C8orf34: variants seen among roughly 807,000 people sequenced by gnomAD.
C8orf34 encodes chromosome 8 open reading frame 34, also known as uncharacterized protein C8orf34.
C8orf34 carries 65 observed loss-of-function variants against 68.3 expected under a neutral mutation model. The observed-to-expected ratio is 0.95, with a 90% confidence interval of 0.78 to 1.17. C8orf34 has a LOEUF of 1.17. Ranked by LOEUF, C8orf34 falls within the 50% of genes most tolerant of loss-of-function variation. The pLI is 0.00. For missense variants in C8orf34, 664 were observed against 655.4 expected (o/e 1.01, Z -0.14); for synonymous variants, 244 against 241.2 (o/e 1.01, Z -0.11).
Position 68,381,614 on chromosome 8 carries a change from C to T in C8orf34, c.327+50275C>T, listed in dbSNP as rs370636668. Among the ~76,000 whole-genome samples the T allele has an allele frequency of 6.9e-4, 104 of 150,646 alleles. 1 individual carries two copies. In the East Asian group the frequency reaches 0.016, roughly 23 times the overall value. Reference sequence around the variant, plus strand: ...GGGCGCGGTGGCGGGCGCCTGTAGTCCCAGCTACTCGGGAGGCTGAGGCAG... The same window carrying T: ...GGGCGCGGTGGCGGGCGCCTGTAGTTCCAGCTACTCGGGAGGCTGAGGCAG... On this transcript the variant is annotated intron_variant, in intron 1 of 13. Coordinates refer to ENST00000518698, the MANE Select transcript of C8orf34 (RefSeq NM_052958.4).
intron 1 of C8orf34, among the ~76,000 whole-genome samples, chr8:68,338,867 T>C (rs953437491): frequency 3.3e-5 from 5 of 152,166 alleles, no homozygotes; most frequent in Non-Finnish European, 7.4e-5. Context: ...TCACCTAATC[T>C]TGGTATTGTC....
intron 8 of C8orf34, among the ~76,000 whole-genome samples, chr8:68,685,381 T>G (rs1197750387): frequency 1.3e-5 from 2 of 152,110 alleles, no homozygotes; most frequent in Admixed American, 1.3e-4. Flanking sequence ...CAGCCCAAAT[T>G]AATATTAACT....
At chr8:68,700,079 A>G (rs1820944239) in intron 8 of C8orf34, among the ~76,000 whole-genome samples, 1 of 152,150 alleles carries the variant, frequency 6.6e-6, no homozygotes, top group Non-Finnish European at 1.5e-5. Flanking sequence ...ATGCATTGCT[A>G]CTTATCCTCC....
At chr8:68,449,778 A>T (rs1034941019) in intron 3 of C8orf34, among the ~76,000 whole-genome samples, 4 of 152,134 alleles carry the variant, frequency 2.6e-5, no homozygotes, top group African/African-American at 9.6e-5. Flanking sequence ...CTTGACATTG[A>T]TGGCTGTGGA....
chr8:68,618,292 A>G (rs1425893705), intron 7 of C8orf34, among the ~76,000 whole-genome samples: 2 of 151,670 alleles, frequency 1.3e-5, no homozygotes, highest in Admixed American at 6.6e-5. Context: ...TTGCTCTCCC[A>G]TTTTCCTCTT....
At chr8:68,598,500 A>G (rs552873908) in intron 7 of C8orf34, among the ~76,000 whole-genome samples, 7 of 152,302 alleles carry the variant, frequency 4.6e-5, no homozygotes, top group African/African-American at 1.7e-4. Flanking sequence ...CTTTGCTGAC[A>G]TGGAGACAGA....
chr8:68,465,827 G>C (rs1261844228), intron 3 of C8orf34, among the ~76,000 whole-genome samples: 9 of 151,860 alleles, frequency 5.9e-5, no homozygotes, highest in African/African-American at 2.2e-4. Context: ...GGGAGGGATA[G>C]CATTAGGAGA....
At chr8:68,349,484 C>A (rs1336164459) in intron 1 of C8orf34, among the ~76,000 whole-genome samples, 3 of 144,592 alleles carry the variant, frequency 2.1e-5, no homozygotes, top group Admixed American at 7.0e-5. Context: ...ATAATGCTAA[C>A]CTCATATAAT....
At chr8:68,774,204 G>C (rs1823435073) in intron 10 of C8orf34, among the ~76,000 whole-genome samples, 1 of 151,950 alleles carries the variant, frequency 6.6e-6, no homozygotes, top group South Asian at 2.1e-4. Flanking sequence ...GACTGGTTCT[G>C]TCATGAAAGA....
chr8:68,368,850 A>G (rs949645020), intron 1 of C8orf34, among the ~76,000 whole-genome samples: 8 of 152,170 alleles, frequency 5.3e-5, no homozygotes, highest in Admixed American at 4.6e-4. Context: ...TTGCATTGCT[A>G]GATTTGGATT....
intron 6 of C8orf34, among the ~76,000 whole-genome samples, chr8:68,529,777 T>G (rs549973753): frequency 6.6e-6 from 1 of 152,278 alleles, no homozygotes; most frequent in East Asian, 1.9e-4. Flanking sequence ...TAGAAATAAT[T>G]ATATTATGTT....
chr8:68,669,400 G>A (rs1284254625), intron 8 of C8orf34, among the ~76,000 whole-genome samples: 2 of 152,118 alleles, frequency 1.3e-5, no homozygotes, highest in Non-Finnish European at 2.9e-5. Flanking sequence ...TGGTTAAGCA[G>A]GAATGAGCTC....
At chr8:68,336,928 C>T (rs555647864) in intron 1 of C8orf34, among the ~76,000 whole-genome samples, 19 of 152,046 alleles carry the variant, frequency 1.2e-4, no homozygotes, top group Non-Finnish European at 1.5e-4. Flanking sequence ...GATTATTTTA[C>T]TGAATAAAAT....
chr8:68,729,957 A>G (rs928794171), intron 10 of C8orf34, among the ~76,000 whole-genome samples: 3 of 152,132 alleles, frequency 2.0e-5, no homozygotes, highest in Non-Finnish European at 2.9e-5. Flanking sequence ...ATTGTTGCAC[A>G]TATTTTAGAG....
chr8:68,677,053 T>C (rs1227153355), intron 8 of C8orf34, among the ~76,000 whole-genome samples: 1 of 152,140 alleles, frequency 6.6e-6, no homozygotes, highest in Admixed American at 6.5e-5. Flanking sequence ...CAAGATGAGA[T>C]ATGGGTTGGG....
intron 1 of C8orf34, among the ~76,000 whole-genome samples, chr8:68,408,302 T>C (rs549334956): frequency 3.3e-5 from 5 of 151,680 alleles, no homozygotes; most frequent in Non-Finnish European, 7.4e-5. Flanking sequence ...TTATGATGGG[T>C]TGTATAATTA....
intron 3 of C8orf34, among the ~76,000 whole-genome samples, chr8:68,454,859 C>T (rs1419684010): frequency 6.6e-6 from 1 of 151,890 alleles, no homozygotes; most frequent in Admixed American, 6.6e-5. Context: ...TGACATCTTT[C>T]TTCTTTATTA....
intron 7 of C8orf34, among the ~76,000 whole-genome samples, chr8:68,560,980 T>A (rs887460036): frequency 2.5e-4 from 37 of 150,940 alleles, no homozygotes; most frequent in Admixed American, 6.6e-4. Flanking sequence ...TAATTTAATT[T>A]TTTTTTTTTT....
chr8:68,666,303 T>A (rs1041243245), intron 8 of C8orf34, among the ~76,000 whole-genome samples: 1 of 152,306 alleles, frequency 6.6e-6, no homozygotes, highest in East Asian at 1.9e-4. Context: ...ATTAGCATAA[T>A]GAGCTGAATT....
Sources: gnomAD v4.1 joint callset for allele counts (sites outside exome capture counted in the v4.1 genomes callset) on GRCh38, gnomAD v4.1.1 for gene constraint, MANE v1.5 for transcripts, NCBI Gene and HGNC (gene_info 2026-07-23, HGNC 2026-07-21) for gene names.